Variants in PAGE2B observed in about 807,000 individuals in gnomAD.
PAGE2B encodes the protein putative G antigen family E member 3.
In PAGE2B, 5 loss-of-function variants were observed where a neutral mutation model predicts 7.6. The ratio of observed to expected loss-of-function variants is 0.66; its 90% CI spans 0.34 to 1.38. The LOEUF (loss-of-function observed/expected upper bound fraction) is 1.38, where lower values mean the gene tolerates loss of function less well. PAGE2B is among the 40% of genes most tolerant of loss of function. The probability of loss-of-function intolerance (pLI) is 0.04; values close to 1 mark genes in which losing one functional copy is unlikely to be tolerated. For missense variants in PAGE2B, 70 were observed against 78.4 expected, an observed-to-expected ratio of 0.89 and a Z score of 0.41; for synonymous variants, 29 against 26.7, an observed-to-expected ratio of 1.09 and a Z score of -0.27.
chrX:55,074,741 G>C (rs1234877767), upstream of PAGE2B, among the ~76,000 whole-genome samples: 1 of 112,643 alleles, frequency 8.9e-6, no homozygotes, highest in Non-Finnish European at 1.9e-5. Flanking sequence ...CTATGATGGT[G>C]AAGTTTTCTG....
chrX:55,058,931 A>ATT, the PAGE2B span, among the ~76,000 whole-genome samples: 1 of 111,006 alleles, frequency 9.0e-6, no homozygotes, highest in South Asian at 3.8e-4. Flanking sequence ...AAAAAGGACC[A>ATT]TTATATATAT....
chrX:55,057,714 T>C, the PAGE2B span, among the ~76,000 whole-genome samples: 1 of 112,074 alleles, frequency 8.9e-6, no homozygotes, highest in Non-Finnish European at 1.9e-5. Context: ...CACCTAAAAA[T>C]CCCAGCAAAT....
upstream of PAGE2B, among the ~76,000 whole-genome samples, chrX:55,071,860 T>A (rs1282611250): frequency 8.9e-6 from 1 of 112,244 alleles, no homozygotes; most frequent in African/African-American, 3.2e-5. Context: ...TTAATTCTTA[T>A]GTATGCTTCA....
chrX:55,033,134 A>AG, the PAGE2B span, among the ~76,000 whole-genome samples: 6 of 111,845 alleles, frequency 5.4e-5, no homozygotes, highest in Non-Finnish European at 1.1e-4. Flanking sequence ...ACCATTGACT[A>AG]GGGGGGCTGT....
chrX:55,053,553 G>A, the PAGE2B span, among the ~76,000 whole-genome samples: 1,037 of 111,819 alleles, frequency 9.3e-3, 12 homozygotes, highest in African/African-American at 0.032. Flanking sequence ...CTATTGAAAT[G>A]TAGCACATAT....
the PAGE2B span, among the ~76,000 whole-genome samples, chrX:55,049,979 A>C: frequency 8.9e-6 from 1 of 111,860 alleles, no homozygotes; most frequent in Non-Finnish European, 1.9e-5. Flanking sequence ...ACTGCTTTGA[A>C]TGTGTCCCAG....
the PAGE2B span, among the ~76,000 whole-genome samples, chrX:55,034,052 C>T: frequency 0.021 from 2,302 of 111,833 alleles, 67 homozygotes; most frequent in African/African-American, 0.071. Context: ...TCCCAGTTAA[C>T]GATAGTCTCA....
upstream of PAGE2B, among the ~76,000 whole-genome samples, chrX:55,074,338 G>A (rs1196776975): frequency 8.9e-6 from 1 of 112,047 alleles, no homozygotes; most frequent in African/African-American, 3.2e-5. Flanking sequence ...CAATGAGGGA[G>A]GGCAAGCATT....
the PAGE2B span, chrX:55,030,962 C>T: frequency 2.6e-5 from 9 of 340,340 alleles, no homozygotes; most frequent in East Asian, 3.9e-4. Flanking sequence ...GCACTGAGGA[C>T]GAACGAATGA....
At chrX:55,042,653 C>CAAAAAA in the PAGE2B span, among the ~76,000 whole-genome samples, 20 of 11,868 alleles carry the variant, frequency 1.7e-3, 1 homozygote, top group Admixed American at 1.8e-3. Flanking sequence ...GACTCCGTCT[C>CAAAAAA]AAAAAAAAAA....
chrX:55,035,930 T>A, the PAGE2B span, among the ~76,000 whole-genome samples: 3 of 111,686 alleles, frequency 2.7e-5, no homozygotes, highest in African/African-American at 6.5e-5. Flanking sequence ...TCCTACCCAT[T>A]AGCATGGAAT....
At chrX:55,050,086 A>G in the PAGE2B span, among the ~76,000 whole-genome samples, 1 of 112,549 alleles carries the variant, frequency 8.9e-6, no homozygotes, top group Non-Finnish European at 1.9e-5. Flanking sequence ...ATTCAGGAGC[A>G]GGTTGTTCAG....
chrX:55,047,829 A>G, the PAGE2B span, among the ~76,000 whole-genome samples: 17 of 111,911 alleles, frequency 1.5e-4, no homozygotes, highest in African/African-American at 5.2e-4. Flanking sequence ...ATTAGATCCC[A>G]TTTGTCAATT....
upstream of PAGE2B, among the ~76,000 whole-genome samples, chrX:55,071,168 T>TTTG (rs1936445396): frequency 1.8e-5 from 2 of 111,122 alleles, no homozygotes; most frequent in African/African-American, 6.6e-5. Flanking sequence ...TTGTTTGTTT[T>TTTG]TTTTGCAGTA....
the PAGE2B span, among the ~76,000 whole-genome samples, chrX:55,049,611 T>C: frequency 8.9e-6 from 1 of 112,103 alleles, no homozygotes; most frequent in Admixed American, 9.5e-5. Context: ...TTTATAGTAT[T>C]CTCTGATGGT....
the PAGE2B span, among the ~76,000 whole-genome samples, chrX:55,062,352 A>G: frequency 8.9e-6 from 1 of 111,917 alleles, no homozygotes; most frequent in Admixed American, 9.5e-5. Context: ...ATGATCAATT[A>G]TATTGAGCAT....
the PAGE2B span, among the ~76,000 whole-genome samples, chrX:55,040,028 A>G: frequency 9.0e-6 from 1 of 110,764 alleles, no homozygotes; most frequent in South Asian, 3.8e-4. Flanking sequence ...AATTCACTTA[A>G]AGGAACTCAA....
At chrX:55,032,242 C>A in the PAGE2B span, among the ~76,000 whole-genome samples, 2 of 111,838 alleles carry the variant, frequency 1.8e-5, no homozygotes, top group Admixed American at 9.5e-5. Context: ...CACCCCTCCC[C>A]ACCCAGTGGT....
At chrX:55,077,298 A>T (rs1258897811) in intron 3 of PAGE2B, 101 bp from the exon 4 acceptor site, 1 of 1,139,420 alleles carries the variant, frequency 8.8e-7, no homozygotes, top group African/African-American at 1.8e-5. Flanking sequence ...TAATTAGCCT[A>T]CAGGTTTTTA....
Sources: allele counts gnomAD v4.1 joint callset (sites outside exome capture counted in the v4.1 genomes callset), GRCh38; gene constraint gnomAD v4.1.1; transcripts MANE v1.5; gene names NCBI Gene and HGNC (gene_info 2026-07-23, HGNC 2026-07-21).